The following CTNS variants were observed in gnomAD, a reference collection of about 807,000 sequenced individuals.
CTNS encodes cystinosin, lysosomal cystine transporter.
In CTNS, 27 loss-of-function variants were observed where a neutral mutation model predicts 43.7. That is an observed-to-expected ratio of 0.62 (90% confidence interval 0.46 to 0.85). CTNS has a LOEUF of 0.85. Among genes scored for constraint, CTNS ranks in the 40% least tolerant of loss-of-function variants. The pLI, the probability that CTNS is intolerant of heterozygous loss-of-function variation, is 0.00. For synonymous variants in CTNS, 187 were observed against 190.6 expected (o/e 0.98, Z 0.16); for missense variants, 457 against 475.4 (o/e 0.96, Z 0.36).
chr17:3,656,813 C>A lies in CTNS; in HGVS notation c.681+18C>A. 6.2e-7 allele frequency: 1 copy of A among 1,612,750 alleles called. No individual in the cohort carries two copies. Among genetic ancestry groups the A allele is most frequent in the East Asian group, 2.2e-5 (1 of 44,854 alleles). The stretch of plus-strand genomic sequence containing the variant: ...TGTATGAGGTGAGACCAGCCCTGGC[C>A]CCCCACAGGCCACCCCAGCCAACAC... On this transcript the variant is annotated intron_variant, in intron 9 of 11. Coordinates refer to ENST00000046640, the MANE Select transcript of CTNS (RefSeq NM_004937.3).
chr17:3,648,778 A>T, intron 4 of CTNS, 69 bp from the exon 5 acceptor site: 1 of 1,290,032 alleles, frequency 7.8e-7, no homozygotes, highest in Non-Finnish European at 1.1e-6. Flanking sequence ...CCAGATGTGA[A>T]ATCCAGAGGG....
In CTNS at chr17:3,660,265, A is replaced by G. The variant is rs2076254478; in HGVS notation, c.1000A>G (p.Thr334Ala). The G allele has an allele frequency of 2.5e-6, 4 of 1,614,210 alleles. No individual in the cohort carries two copies. The African/African-American group carries it at 4.0e-5, about 16-fold the overall frequency. The stretch of plus-strand genomic sequence containing the variant: ...GTGGACGCTGATCTTCGGAGACCCA[A>G]CCAAGTTTGGACTCGGGGTCTTCTC... ...DQWTLIFGDP[T>A]KFGLGVFSIV... Residue 334 changes from threonine (T) to alanine (A), a missense_variant, in exon 12 of 12, where the codon ACC (threonine) becomes GCC (alanine). Physicochemically the swap from Thr to Ala is moderately conservative, Grantham distance 58. Transcript: ENST00000046640.
intron 2 of CTNS, among the ~76,000 whole-genome samples, chr17:3,637,763 A>G (rs1397221758): frequency 6.6e-6 from 1 of 152,122 alleles, no homozygotes; most frequent in African/African-American, 2.4e-5. Context: ...CACCGCGCCC[A>G]GCCTACCCCC....
intron 2 of CTNS, among the ~76,000 whole-genome samples, chr17:3,638,822 C>T (rs1235434234): frequency 5.9e-5 from 9 of 152,160 alleles, no homozygotes; most frequent in Non-Finnish European, 1.0e-4. Context: ...ATTCCATACA[C>T]GCAGGAGGGC....
rs1597663385 is a variant in CTNS, at chr17:3,659,333, T to C, written c.853-525T>C. 2.6e-5 allele frequency among the ~76,000 whole-genome samples: 4 copies of C among 152,250 alleles called. No individual in the cohort carries two copies. In the Middle Eastern group the frequency reaches 0.014, roughly 518 times the overall value. ...AGACCCAGGAAGCCCCGGCCAGGCC[T>C]GTGGGGGGCGTTAACCCCGCTCTAC... On this transcript the variant is annotated intron_variant, in intron 10 of 11. Transcript: ENST00000046640.
chr17:3,658,551 G>A (rs747162344), intron 10 of CTNS, among the ~76,000 whole-genome samples: 16 of 152,210 alleles, frequency 1.1e-4, no homozygotes, highest in Admixed American at 2.6e-4. Flanking sequence ...CCCTTCCCGC[G>A]CAGAGCTCAG....
chr17:3,644,672 G>C (rs915848973), intron 3 of CTNS, among the ~76,000 whole-genome samples: 5 of 152,152 alleles, frequency 3.3e-5, no homozygotes, highest in African/African-American at 1.2e-4. Context: ...CACTATGTTA[G>C]CCAGGATGGT....
rs912184981 is a variant in CTNS at position 3,659,921 on chromosome 17, T to C, written c.916T>C (p.Phe306Leu). The change falls in exon 11 of 12, where the codon TTC becomes CTC. Residue 306 changes from phenylalanine (F) to leucine (L), a missense_variant. Transcript: ENST00000046640. Reference sequence around the variant, plus strand: ...GAGCATTGGCAACGTGCTCCTGGACTTCACCGGGGGCAGCTTCAGCCTCCT... The same window carrying C: ...GAGCATTGGCAACGTGCTCCTGGACCTCACCGGGGGCAGCTTCAGCCTCCT... ...GWSIGNVLLD[F>L]TGGSFSLLQM... The C allele has an allele frequency of 1.2e-6, 2 of 1,613,980 alleles. No homozygotes were observed. The highest frequency in any genetic ancestry group is 2.2e-5 in the South Asian group (2 of 91,078).
chr17:3,650,625 C>T (rs1218541960), intron 5 of CTNS: 1 of 244,680 alleles, frequency 4.1e-6, no homozygotes, highest in African/African-American at 2.2e-5. Flanking sequence ...TCCCACACCT[C>T]CCCTCTTGCC....
chr17:3,660,184 G>C (rs899173858), intron 11 of CTNS, 52 bp from the exon 12 acceptor site: 1 of 1,612,758 alleles, frequency 6.2e-7, no homozygotes, highest in African/African-American at 1.3e-5. Context: ...AGCTCCAGCT[G>C]CCTCAGGAGC....
At chr17:3,650,448 C>T (rs1290883225) in intron 5 of CTNS, 5 of 1,194,646 alleles carry the variant, frequency 4.2e-6, no homozygotes, top group Non-Finnish European at 5.7e-6. Context: ...TACCACTGCC[C>T]TCCAGCCTGA....
At position 3,656,759 on chromosome 17, in the gene CTNS, C is replaced by G. The variant is rs2150923179; in HGVS notation, c.645C>G (p.Leu215=). The change falls in exon 9 of 12, where the codon CTC becomes CTG. Residue 215 remains leucine, a synonymous_variant. Coordinates refer to ENST00000046640, the MANE Select transcript of CTNS (RefSeq NM_004937.3). ...TCTTCAGCCTGCACGCGGTTGTCCT[C>G]ACGCTGATCATCATCGTGCAGTGCT... ...DVFFSLHAVV[L]TLIIIVQCCL... is the part of the protein sequence containing the mutation. 6.2e-7 allele frequency: 1 copy of G among 1,613,486 alleles called. No homozygotes were observed. The highest frequency in any genetic ancestry group is 2.2e-5 in the East Asian group (1 of 44,816).
chr17:3,638,147 C>CA (rs1373100453), intron 2 of CTNS, among the ~76,000 whole-genome samples: 2 of 152,144 alleles, frequency 1.3e-5, no homozygotes, highest in East Asian at 3.9e-4. Context: ...GCACGCCAGA[C>CA]AGAGCCCATT....
At chr17:3,639,658 ACT>A (rs1450115737) in intron 2 of CTNS, among the ~76,000 whole-genome samples, 5 of 122,354 alleles carry the variant, frequency 4.1e-5, no homozygotes, top group Admixed American at 4.0e-4. Context: ...ACAGAGCAAG[ACT>A]CTGTCTCAAA....
rs908965524 is a variant in CTNS, at chr17:3,659,928, G to T, written c.923G>T (p.Gly308Val). 5 of 1,613,952 alleles carry T rather than the reference G, an allele frequency of 3.1e-6. No homozygotes were observed. The highest frequency in any genetic ancestry group is 4.2e-6 in the Non-Finnish European group (5 of 1,180,016). ...GGCAACGTGCTCCTGGACTTCACCG[G>T]GGGCAGCTTCAGCCTCCTGCAGATG... ...SIGNVLLDFTGGSFSLLQMFL... is the reference protein window; with the variant it reads ...SIGNVLLDFTVGSFSLLQMFL... The change falls in exon 11 of 12, where the codon GGG (glycine) becomes GTG (valine). Residue 308 changes from glycine (G) to valine (V), a missense_variant. Gly to Val is a moderately radical substitution (Grantham distance 109, BLOSUM62 -3). Coordinates refer to ENST00000046640, the MANE Select transcript of CTNS (RefSeq NM_004937.3).
intron 11 of CTNS, 84 bp downstream of exon 11, chr17:3,660,059 T>G: frequency 6.9e-7 from 1 of 1,451,822 alleles, no homozygotes; most frequent in Non-Finnish European, 9.6e-7. Flanking sequence ...CAGCCAGGGC[T>G]CCACCCCCAC....
In CTNS at chr17:3,658,055, G is replaced by T. The variant is rs199518474; in HGVS notation, c.732G>T (p.Ala244=). The T allele has an allele frequency of 6.2e-7, 1 of 1,611,974 alleles. No homozygotes were observed. The highest frequency in any genetic ancestry group is 8.5e-7 in the Non-Finnish European group (1 of 1,179,974). ...SWPAIGFLVL[A]WLFAFVTMIV... ...CTGCCATCGGCTTCCTGGTGCTCGC[G>T]TGGCTCTTCGCATTTGTCACCATGA... Residue 244 remains alanine, a synonymous_variant, in exon 10 of 12, where the codon GCG becomes GCT. Coordinates refer to ENST00000046640, the MANE Select transcript of CTNS (RefSeq NM_004937.3).
intron 5 of CTNS, among the ~76,000 whole-genome samples, chr17:3,649,849 A>G (rs1357068349): frequency 6.6e-6 from 1 of 152,220 alleles, no homozygotes; most frequent in Non-Finnish European, 1.5e-5. Context: ...AAATAACAAG[A>G]TGAACGCAAG....
At chr17:3,644,162 T>C (rs2075790886) in intron 3 of CTNS, among the ~76,000 whole-genome samples, 1 of 152,230 alleles carries the variant, frequency 6.6e-6, no homozygotes, top group Non-Finnish European at 1.5e-5. Flanking sequence ...TTATTTAGCA[T>C]CTGGGCTTTG....
Sources: allele counts gnomAD v4.1 joint callset (sites outside exome capture counted in the v4.1 genomes callset), GRCh38; gene constraint gnomAD v4.1.1; transcripts MANE v1.5; gene names NCBI Gene and HGNC (gene_info 2026-07-23, HGNC 2026-07-21).